The following HNF1B variants were observed in gnomAD, a reference collection of about 807,000 sequenced individuals.
HNF1B encodes hepatocyte nuclear factor 1-beta.
A neutral mutation model predicts 61.7 loss-of-function variants in HNF1B; 8 were observed. The ratio of observed to expected loss-of-function variants is 0.13; its 90% CI spans 0.08 to 0.23. HNF1B has a LOEUF of 0.23. HNF1B is among the 10% of genes least tolerant of loss of function. The pLI, the probability that HNF1B is intolerant of heterozygous loss-of-function variation, is 1.00. For synonymous variants in HNF1B, 314 were observed against 287.7 expected, an observed-to-expected ratio of 1.09 and a Z score of -0.93; for missense variants, 562 against 714.5, an observed-to-expected ratio of 0.79 and a Z score of 2.43.
At chr17:37,727,562 T>C (rs2033540403) in intron 4 of HNF1B, among the ~76,000 whole-genome samples, 1 of 152,162 alleles carries the variant, frequency 6.6e-6, no homozygotes. Flanking sequence ...GGTGTGTGAT[T>C]GTAAAGCCAA....
chr17:37,744,356 C>T (rs2034099441), intron 1 of HNF1B, among the ~76,000 whole-genome samples, 185 bp downstream of exon 1: 1 of 152,202 alleles, frequency 6.6e-6, no homozygotes, highest in African/African-American at 2.4e-5. Flanking sequence ...CCCGGTGGGC[C>T]GCAGGGTCGT....
chr17:37,741,229 TTC>T (rs1410042455), intron 1 of HNF1B, among the ~76,000 whole-genome samples: 6 of 152,354 alleles, frequency 3.9e-5, no homozygotes, highest in African/African-American at 7.2e-5. Flanking sequence ...ATAAAATTAA[TTC>T]TGTTTAATGA....
At chr17:37,711,936 C>G (rs1394671485) in intron 4 of HNF1B, among the ~76,000 whole-genome samples, 3 of 152,164 alleles carry the variant, frequency 2.0e-5, no homozygotes, top group African/African-American at 7.2e-5. Context: ...CCCCAGGGGC[C>G]AGGCACTGCC....
intron 8 of HNF1B, among the ~76,000 whole-genome samples, chr17:37,698,006 C>T (rs577866510): frequency 7.2e-5 from 11 of 151,942 alleles, no homozygotes; most frequent in African/African-American, 2.7e-4. Flanking sequence ...ATAGAACCCA[C>T]CTGCTCCACT....
At chr17:37,741,134 G>T (rs1293903478) in intron 1 of HNF1B, among the ~76,000 whole-genome samples, 1 of 152,074 alleles carries the variant, frequency 6.6e-6, no homozygotes, top group South Asian at 2.1e-4. Flanking sequence ...AAACAAAAAA[G>T]AAAACGGTGT....
intron 6 of HNF1B, among the ~76,000 whole-genome samples, chr17:37,704,673 C>T (rs1316138155): frequency 6.6e-6 from 1 of 152,044 alleles, no homozygotes; most frequent in Non-Finnish European, 1.5e-5. Context: ...ATGATTTGAC[C>T]CAGGATGCAC....
intron 1 of HNF1B, among the ~76,000 whole-genome samples, chr17:37,743,545 G>T (rs527612401): frequency 2.0e-5 from 3 of 152,232 alleles, no homozygotes; most frequent in African/African-American, 7.2e-5. Flanking sequence ...CGCTGCGGAC[G>T]TGCGGCCAAG....
Position 37,731,849 on chromosome 17 carries a change from GA to G in HNF1B, c.810-20del, listed in dbSNP as rs1433558296. ...TTCTGCCCTGGGAATGGATGGAGGG[GA>G]GATGGTGAGTGAGGGGGGGCGGGGG... is the stretch of plus-strand genomic sequence containing the variant. On this transcript the variant is annotated intron_variant, in intron 3 of 8. Coordinates refer to ENST00000617811, the MANE Select transcript of HNF1B (RefSeq NM_000458.4). The G allele has an allele frequency of 7.1e-7, 1 of 1,400,148 alleles. No individual in the cohort carries two copies. The allele number at this position is 1,400,148 out of a possible 1,614,324, so 86.7% of individuals were successfully genotyped here.
chr17:37,726,344 G>C (rs889348908), intron 4 of HNF1B, among the ~76,000 whole-genome samples: 2 of 152,210 alleles, frequency 1.3e-5, no homozygotes, highest in African/African-American at 4.8e-5. Context: ...AAATGAAGAT[G>C]ACACTAGAGA....
chr17:37,690,932 TGGA>T (rs1471644438), intron 8 of HNF1B, among the ~76,000 whole-genome samples: 3 of 152,164 alleles, frequency 2.0e-5, no homozygotes, highest in East Asian at 3.8e-4. Flanking sequence ...GCCATGGGAC[TGGA>T]GGAGATCACC....
In HNF1B at chr17:37,710,393, C is replaced by T. The variant is rs1471049675; in HGVS notation, c.1206+110G>A. On this transcript the variant is annotated intron_variant, in intron 5 of 8. Transcript: ENST00000617811. Reference sequence around the variant, plus strand: ...CGACTCTGGACAGCCCTCATTTTCCCCTATGGGGCTACAATGGTTCATTGT... The same window carrying T: ...CGACTCTGGACAGCCCTCATTTTCCTCTATGGGGCTACAATGGTTCATTGT... 3 of 1,410,116 alleles carry T rather than the reference C, an allele frequency of 2.1e-6. 1 individual carries two copies. The South Asian group carries it at 3.5e-5, about 16-fold the overall frequency. 87.4% of individuals were successfully genotyped at this position (1,410,116 alleles called of 1,614,324 possible).
intron 2 of HNF1B, among the ~76,000 whole-genome samples, chr17:37,736,387 A>G (rs1184695366): frequency 2.0e-5 from 3 of 152,200 alleles, no homozygotes; most frequent in Non-Finnish European, 4.4e-5. Context: ...TCCTCTAAAT[A>G]TATTCCTTCA....
intron 8 of HNF1B, among the ~76,000 whole-genome samples, chr17:37,693,728 G>A (rs1484869057): frequency 6.6e-6 from 1 of 152,358 alleles, no homozygotes; most frequent in East Asian, 1.9e-4. Context: ...CAAATCTCAT[G>A]TTGAAATACG....
At chr17:37,716,298 A>G (rs2033108914) in intron 4 of HNF1B, among the ~76,000 whole-genome samples, 1 of 152,068 alleles carries the variant, frequency 6.6e-6, no homozygotes, top group South Asian at 2.1e-4. Flanking sequence ...CCCGGGCTCA[A>G]GTGATTCTCC....
intron 2 of HNF1B, among the ~76,000 whole-genome samples, chr17:37,738,475 A>G (rs1204715544): frequency 6.6e-6 from 1 of 152,236 alleles, no homozygotes; most frequent in Non-Finnish European, 1.5e-5. Flanking sequence ...AGTGGTGGAA[A>G]TTAACATCTT....
chr17:37,699,285 C>G, intron 7 of HNF1B, 91 bp from the exon 8 acceptor site: 1 of 926,046 alleles, frequency 1.1e-6, no homozygotes, highest in Non-Finnish European at 1.8e-6. Flanking sequence ...GCTCCCATCT[C>G]CTCAGGTAGA....
At chr17:37,707,442 G>A (rs939760185) in intron 5 of HNF1B, among the ~76,000 whole-genome samples, 4 of 152,118 alleles carry the variant, frequency 2.6e-5, no homozygotes, top group African/African-American at 9.7e-5. Flanking sequence ...TTTGGCTCCT[G>A]GACTGATGGA....
At chr17:37,735,818 G>A (rs1035416496) in intron 2 of HNF1B, among the ~76,000 whole-genome samples, 1 of 152,208 alleles carries the variant, frequency 6.6e-6, no homozygotes, top group African/African-American at 2.4e-5. Flanking sequence ...GAATGCAGTA[G>A]TACGATCATA....
rs1475406165 is a variant in HNF1B at position 37,687,223 on chromosome 17, A to C, written c.*149T>G. The C allele has an allele frequency of 9.3e-6, 12 of 1,283,838 alleles. No individual in the cohort carries two copies. Among genetic ancestry groups the C allele is most frequent in the Non-Finnish European group, 1.3e-5 (12 of 899,572 alleles). The allele number at this position is 1,283,838 out of a possible 1,614,324, so 79.5% of individuals were successfully genotyped here. On this transcript the variant is annotated 3_prime_UTR_variant, in exon 9 of 9. Coordinates refer to ENST00000617811, the MANE Select transcript of HNF1B (RefSeq NM_000458.4). ...GCGCCTCCTGAGAGTGGATTGTCTGAGGTGCCAGCAGGACGTCCGTCAGGT... is the reference window on the plus strand; with the variant it reads ...GCGCCTCCTGAGAGTGGATTGTCTGCGGTGCCAGCAGGACGTCCGTCAGGT...
Sources: gnomAD v4.1 joint callset for allele counts (sites outside exome capture counted in the v4.1 genomes callset) on GRCh38, gnomAD v4.1.1 for gene constraint, MANE v1.5 for transcripts, NCBI Gene and HGNC (gene_info 2026-07-23, HGNC 2026-07-21) for gene names.